The following GARNL3 variants were observed in gnomAD, a reference collection of about 807,000 sequenced individuals.
GARNL3 encodes GTPase activating Rap/RanGAP domain like 3.
GARNL3 carries 63 observed loss-of-function variants against 125.0 expected under a neutral mutation model. The observed-to-expected ratio is 0.50, with a 90% CI of 0.41 to 0.62. The LOEUF is 0.62. Among genes scored for constraint, GARNL3 ranks in the 20% least tolerant of loss-of-function variants. The pLI is 0.00. For missense variants in GARNL3, 994 were observed against 1,244.0 expected (o/e 0.80, Z 3.02); for synonymous variants, 439 against 457.5 (o/e 0.96, Z 0.52).
rs1239238808 is a variant in GARNL3 at position 127,383,462 on chromosome 9, G to T, written c.2186G>T (p.Cys729Phe). Reference protein sequence around the residue: ...YNYSCIYKKVCPFNGGSFLVQ... With the variant: ...YNYSCIYKKVFPFNGGSFLVQ... ...GACAGTTGCATCTATAAAAAGGTTT[G>T]CCCCTTTAATGGTGGCTCTTTTTTG... The change falls in exon 23 of 28, where the codon TGC becomes TTC. Residue 729 changes from cysteine to phenylalanine, a missense_variant. This residue lies in a region of GARNL3 where 728 missense variants were observed against 865.7 expected (regional missense o/e 0.84). Coordinates refer to ENST00000373387, the MANE Select transcript of GARNL3 (RefSeq NM_032293.5). The T allele has an allele frequency of 6.2e-7, 1 of 1,612,168 alleles. No homozygotes were observed. Among genetic ancestry groups the T allele is most frequent in the East Asian group, 2.2e-5 (1 of 44,828 alleles).
intron 3 of GARNL3, among the ~76,000 whole-genome samples, chr9:127,312,509 A>G (rs1055736998): frequency 2.7e-5 from 4 of 150,916 alleles, no homozygotes; most frequent in African/African-American, 9.7e-5. Flanking sequence ...GAAGGGCTCA[A>G]GTGAAAATAT....
chr9:127,375,874 A>G (rs1219631915), intron 22 of GARNL3, among the ~76,000 whole-genome samples: 1 of 152,230 alleles, frequency 6.6e-6, no homozygotes, highest in East Asian at 1.9e-4. Flanking sequence ...TGAGGAACTA[A>G]GTCCTCTGCC....
chr9:127,352,452 G>C (rs911614181), intron 17 of GARNL3, among the ~76,000 whole-genome samples: 1 of 152,334 alleles, frequency 6.6e-6, no homozygotes, highest in South Asian at 2.1e-4. Flanking sequence ...CAACTATGAT[G>C]ATGGGTATGA....
chr9:127,264,876 A>G lies in GARNL3; in HGVS notation c.-2A>G. The G allele has an allele frequency of 6.4e-7, 1 of 1,573,254 alleles. No homozygotes were observed. The highest frequency in any genetic ancestry group is 8.7e-7 in the Non-Finnish European group (1 of 1,155,964). On this transcript the variant is annotated 5_prime_UTR_variant, in exon 1 of 28. Transcript: ENST00000373387. ...TCTGTTCCATAGCAGCCCTTTTTGC[A>G]AATGGTAGTTGATTTTTGCAGAAGG...
At chr9:127,356,346 T>C (rs926395713) in intron 20 of GARNL3, 2 of 152,320 alleles carry the variant, frequency 1.3e-5, no homozygotes, top group Non-Finnish European at 1.5e-5. Flanking sequence ...CGGGATTTGC[T>C]GGGAGATTGA....
intron 2 of GARNL3, among the ~76,000 whole-genome samples, chr9:127,310,837 A>G (rs2065074982): frequency 6.6e-6 from 1 of 152,052 alleles, no homozygotes; most frequent in South Asian, 2.1e-4. Context: ...TTGACAGTAT[A>G]GGGAAGATGG....
chr9:127,230,806 T>G (rs752357823), intron 1 of GARNL3, among the ~76,000 whole-genome samples: 4 of 151,678 alleles, frequency 2.6e-5, no homozygotes, highest in Non-Finnish European at 4.4e-5. Flanking sequence ...ATTTTTGAGC[T>G]GCAGATTTAG....
In GARNL3 at chr9:127,387,572, A is replaced by T. The variant is rs1832609776; in HGVS notation, c.2527+241A>T. Among the ~76,000 whole-genome samples, 3 of 151,908 alleles carry T rather than the reference A, an allele frequency of 2.0e-5. No homozygotes were observed. The South Asian group carries it at 6.2e-4, about 32-fold the overall frequency. On this transcript the variant is annotated intron_variant, in intron 25 of 27. Coordinates refer to ENST00000373387, the MANE Select transcript of GARNL3 (RefSeq NM_032293.5). ...AGCCTGACCAACATGGTGAAACCCC[A>T]TCTCTACTAAAAATACAAAAATTAG...
intron 8 of GARNL3, among the ~76,000 whole-genome samples, 178 bp downstream of exon 8, chr9:127,332,527 A>G (rs530947453): frequency 4.1e-4 from 63 of 152,264 alleles, no homozygotes; most frequent in African/African-American, 1.4e-3. Flanking sequence ...TCATTTGGCA[A>G]ATATTTATTG....
At position 127,290,120 on chromosome 9, in the gene GARNL3, T is replaced by C. The variant is rs1012524508; in HGVS notation, c.145-1048T>C. ...AATGAGAATAATAATAATACCTACCTTGTGTTATTATGAGAATTAAACGAG... is the reference window on the plus strand; with the variant it reads ...AATGAGAATAATAATAATACCTACCCTGTGTTATTATGAGAATTAAACGAG... On this transcript the variant is annotated intron_variant, in intron 1 of 27. Transcript: ENST00000373387. 2.6e-5 allele frequency among the ~76,000 whole-genome samples: 4 copies of C among 152,312 alleles called. No individual in the cohort carries two copies. The East Asian group carries it at 7.7e-4, about 29-fold the overall frequency.
intron 2 of GARNL3, chr9:127,300,878 T>C: frequency 7.0e-6 from 2 of 286,620 alleles, no homozygotes; most frequent in Non-Finnish European, 1.3e-5. Flanking sequence ...ATGAACAGAC[T>C]CCACAATAAA....
rs60448026 is a variant in GARNL3 at position 127,331,720 on chromosome 9, C to CTTTTTTTTTTTTTTTTTTTTT, written c.595-539_595-538insTTTTTTTTTTTTTTTTTTTTT. ...CTACTGCTTGCTTGGCTTGGGCTTG[C>CTTTTTTTTTTTTTTTTTTTTT]TTTTTTTTTTTTTTTCACATCTGTT... On this transcript the variant is annotated intron_variant, in intron 7 of 27. Transcript: ENST00000373387. Among the ~76,000 whole-genome samples the CTTTTTTTTTTTTTTTTTTTTT allele has an allele frequency of 1.1e-4, 8 of 74,404 alleles. 1 individual carries two copies. The East Asian group carries it at 2.6e-3, about 25-fold the overall frequency. The allele number at this position is 74,404 out of a possible 152,430, so 48.8% of individuals were successfully genotyped here.
At position 127,348,818 on chromosome 9, in the gene GARNL3, G is replaced by A. The variant is rs760721940; in HGVS notation, c.1432-106G>A. 13 of 684,902 alleles carry A rather than the reference G, an allele frequency of 1.9e-5. No individual in the cohort carries two copies. The South Asian group carries it at 2.7e-4, about 14-fold the overall frequency. 42.4% of individuals were successfully genotyped at this position (684,902 alleles called of 1,614,324 possible). On this transcript the variant is annotated intron_variant, in intron 16 of 27. Transcript: ENST00000373387. ...TTGGAGTGACTCCGCTCCCACGGGGGTATCTGTGTTACTGTTTCAGGTGTG... is the reference window on the plus strand; with the variant it reads ...TTGGAGTGACTCCGCTCCCACGGGGATATCTGTGTTACTGTTTCAGGTGTG...
chr9:127,300,911 A>G (rs1486895510), intron 2 of GARNL3: 2 of 235,238 alleles, frequency 8.5e-6, no homozygotes, highest in Non-Finnish European at 1.7e-5. Context: ...GGTAATCAGC[A>G]TCTAACTCGG....
chr9:127,383,389 T>A (rs1179950278), intron 22 of GARNL3, 49 bp from the exon 23 acceptor site: 1 of 1,149,596 alleles, frequency 8.7e-7, no homozygotes, highest in East Asian at 2.4e-5. Context: ...ATTACAGTCA[T>A]CTAAGTGTTG....
chr9:127,343,746 A>T (rs1829990836), intron 14 of GARNL3, among the ~76,000 whole-genome samples: 1 of 152,210 alleles, frequency 6.6e-6, no homozygotes, highest in Non-Finnish European at 1.5e-5. Context: ...GCCTCATTTA[A>T]ACCTCATAAC....
chr9:127,334,254 G>A (rs1444885485), intron 9 of GARNL3, among the ~76,000 whole-genome samples: 1 of 152,132 alleles, frequency 6.6e-6, no homozygotes, highest in African/African-American at 2.4e-5. Context: ...TTTTTGTGTA[G>A]CATTGCTAGC....
At chr9:127,283,056 T>A (rs2064145170) in intron 1 of GARNL3, among the ~76,000 whole-genome samples, 1 of 152,162 alleles carries the variant, frequency 6.6e-6, no homozygotes, top group Non-Finnish European at 1.5e-5. Context: ...CACTGTTCAG[T>A]GTTAAATGAA....
At chr9:127,332,837 T>C (rs1254575144) in intron 8 of GARNL3, among the ~76,000 whole-genome samples, 186 bp from the exon 9 acceptor site, 4 of 152,188 alleles carry the variant, frequency 2.6e-5, no homozygotes, top group East Asian at 1.9e-4. Flanking sequence ...TTTCCTTTCC[T>C]TGGAGTCCTG....
Sources: allele counts gnomAD v4.1 joint callset (sites outside exome capture counted in the v4.1 genomes callset), GRCh38; gene constraint gnomAD v4.1.1; regional missense constraint gnomAD v4.1.1; transcripts MANE v1.5; gene names NCBI Gene and HGNC (gene_info 2026-07-23, HGNC 2026-07-21).